Variants in TMEM269 observed in about 807,000 individuals in gnomAD.
The protein encoded by TMEM269 is transmembrane protein 269.
In TMEM269, 12 loss-of-function variants were observed where a neutral mutation model predicts 15.8. The observed-to-expected ratio is 0.76, with a 90% confidence interval of 0.49 to 1.23. The LOEUF (loss-of-function observed/expected upper bound fraction) is 1.23, where lower values mean the gene tolerates loss of function less well. Ranked by LOEUF, TMEM269 falls within the 50% of genes most tolerant of loss-of-function variation. The pLI is 0.00. For synonymous variants in TMEM269, 93 were observed against 99.3 expected, an observed-to-expected ratio of 0.94 and a Z score of 0.38; for missense variants, 211 against 245.4, an observed-to-expected ratio of 0.86 and a Z score of 0.94.
intron 2 of TMEM269, among the ~76,000 whole-genome samples, chr1:42,791,133 G>A (rs1459729568): frequency 1.3e-5 from 2 of 152,200 alleles, no homozygotes; most frequent in African/African-American, 4.8e-5. Flanking sequence ...AAATTGATGA[G>A]TCTACTATCA....
Position 42,793,632 on chromosome 1 carries a change from C to T in TMEM269, c.171C>T (p.Thr57=), listed in dbSNP as rs1222342102. Residue 57 remains threonine, a synonymous_variant, in exon 4 of 6, where the codon ACC becomes ACT. Transcript: ENST00000637012. ...AGCTGAATGACTTTGCCGTCTTCAC[C>T]ACCTTCGGCTTGGCCTCCGCTCTGC... ...GAELNDFAVF[T]TFGLASALLL... The T allele has an allele frequency of 6.5e-7, 1 of 1,550,328 alleles. No individual in the cohort carries two copies. Among genetic ancestry groups the T allele is most frequent in the Non-Finnish European group, 8.7e-7 (1 of 1,146,880 alleles).
chr1:42,787,877 C>G (rs1257491158), intron 1 of TMEM269: 1 of 152,280 alleles, frequency 6.6e-6, no homozygotes, highest in African/African-American at 2.4e-5. Flanking sequence ...TGGGGTCAGC[C>G]CAGAGACCCA....
Position 42,798,164 on chromosome 1 carries a change from C to T in TMEM269, c.551C>T (p.Ser184Leu). 2 of 1,550,462 alleles carry T rather than the reference C, an allele frequency of 1.3e-6. No individual in the cohort carries two copies. The highest frequency in any genetic ancestry group is 1.7e-6 in the Non-Finnish European group (2 of 1,147,104). Reference sequence around the variant, plus strand: ...TTTTACTGCCTGATGTGGTCGCTCTCGTACATCTTCTTTCCAGATGCTCTG... The same window carrying T: ...TTTTACTGCCTGATGTGGTCGCTCTTGTACATCTTCTTTCCAGATGCTCTG... ...SAFYCLMWSL[S>L]YIFFPDALWG... is the part of the protein sequence containing the mutation. Residue 184 changes from serine to leucine, a missense_variant, in exon 6 of 6, where the codon TCG (serine) becomes TTG (leucine). Ser to Leu is a moderately radical substitution (Grantham distance 145). Transcript: ENST00000637012.
intron 2 of TMEM269, among the ~76,000 whole-genome samples, chr1:42,790,405 CTTGA>C (rs987687752): frequency 2.5e-4 from 38 of 152,058 alleles, no homozygotes; most frequent in African/African-American, 8.9e-4. Flanking sequence ...TCCTAATCTA[CTTGA>C]TTGTCTATAA....
At chr1:42,793,526 C>T in intron 3 of TMEM269, 75 bp from the exon 4 acceptor site, 1 of 1,428,188 alleles carries the variant, frequency 7.0e-7, no homozygotes, top group Non-Finnish European at 9.3e-7. Flanking sequence ...ACTACCCCAG[C>T]TCCCCTACTA....
intron 1 of TMEM269, among the ~76,000 whole-genome samples, chr1:42,786,179 G>A (rs1293816181): frequency 1.3e-5 from 2 of 152,202 alleles, no homozygotes; most frequent in Admixed American, 6.5e-5. Flanking sequence ...TAGATTTGGT[G>A]CAGCGAGAGG....
At chr1:42,789,658 C>T (rs1418118392) in intron 1 of TMEM269, 138 bp from the exon 2 acceptor site, 5 of 804,134 alleles carry the variant, frequency 6.2e-6, no homozygotes, top group Middle Eastern at 2.4e-4. Flanking sequence ...TACCTCCTGT[C>T]TCCCTTAGTC....
At position 42,798,129 on chromosome 1, in the gene TMEM269, T is replaced by TC; in HGVS notation, c.517dup (p.Leu173ProfsTer58). 1 of 1,551,150 alleles carries TC rather than the reference T, an allele frequency of 6.4e-7. No homozygotes were observed. The highest frequency in any genetic ancestry group is 8.7e-7 in the Non-Finnish European group (1 of 1,147,138). On this transcript the variant is annotated frameshift_variant, in exon 6 of 6. Transcript: ENST00000637012. LOFTEE classifies it high-confidence loss of function. ...TCATGCTGTTTTTCTCCCCATTGTC[T>TC]CTGTCTGCTTTTTACTGCCTGATGT...
rs1220017963 is a variant in TMEM269 at position 42,799,316 on chromosome 1, G to T, written c.*1091G>T. On this transcript the variant is annotated 3_prime_UTR_variant, in exon 6 of 6. Transcript: ENST00000637012. ...GCGTAGATAGACATTCCACCTCCCAGATGGTGGAAAAAAGGATTGATGGCT... is the reference window on the plus strand; with the variant it reads ...GCGTAGATAGACATTCCACCTCCCATATGGTGGAAAAAAGGATTGATGGCT... The T allele has an allele frequency of 6.6e-6, 1 of 151,744 alleles. No homozygotes were observed. Among genetic ancestry groups the T allele is most frequent in the Non-Finnish European group, 1.5e-5 (1 of 67,982 alleles). The allele number at this position is 151,744 out of a possible 1,614,324, so 9.4% of individuals were successfully genotyped here.
intron 1 of TMEM269, among the ~76,000 whole-genome samples, chr1:42,785,571 C>A (rs576274072): frequency 3.6e-4 from 55 of 152,286 alleles, no homozygotes; most frequent in Middle Eastern, 6.8e-3. Flanking sequence ...AGCCGCCCTG[C>A]GCTTCCTGCC....
intron 5 of TMEM269, chr1:42,796,845 A>G (rs993162385): frequency 1.8e-4 from 27 of 152,222 alleles, no homozygotes; most frequent in African/African-American, 6.3e-4. Flanking sequence ...CTTCTATCAG[A>G]TCATATGTTC....
At chr1:42,795,210 G>A (rs984666620) in intron 5 of TMEM269, among the ~76,000 whole-genome samples, 3 of 152,180 alleles carry the variant, frequency 2.0e-5, no homozygotes, top group African/African-American at 4.8e-5. Context: ...GGTTCAGGAG[G>A]TTCAGGCAGA....
intron 2 of TMEM269, among the ~76,000 whole-genome samples, chr1:42,791,232 A>C (rs978260248): frequency 7.9e-5 from 12 of 151,542 alleles, no homozygotes; most frequent in Non-Finnish European, 1.6e-4. Context: ...CAGCAACACT[A>C]TTGGTCACCT....
chr1:42,791,318 A>T (rs1281790226), intron 2 of TMEM269, among the ~76,000 whole-genome samples: 1 of 152,208 alleles, frequency 6.6e-6, no homozygotes, highest in Non-Finnish European at 1.5e-5. Context: ...ACTTGGACAG[A>T]TCACATTCTG....
Position 42,797,962 on chromosome 1 carries a change from T to C in TMEM269, c.485-136T>C, listed in dbSNP as rs551319330. 1 of 963,832 alleles carries C rather than the reference T, an allele frequency of 1.0e-6. No homozygotes were observed. The highest frequency in any genetic ancestry group is 1.6e-5 in the African/African-American group (1 of 61,352). The allele number at this position is 963,832 out of a possible 1,614,324, so 59.7% of individuals were successfully genotyped here. On this transcript the variant is annotated intron_variant, in intron 5 of 5. Coordinates refer to ENST00000637012, the MANE Select transcript of TMEM269 (RefSeq NM_001354602.2). The surrounding 1 kb of genome is among the most constrained non-coding windows in gnomAD (Gnocchi z 4.9). ...AAACTGAACTTGAAGACAGGGCTCC[T>C]GTCTCTTTCTGTTTGTTTCTTAGGC...
rs1653875635 is a variant in TMEM269 at position 42,800,763 on chromosome 1, C to A, written c.*2538C>A. ...GTTTTATGTGGATGAATGTAAAACACCTAGAATAATGAATGGCACGTAAAA... is the reference window on the plus strand; with the variant it reads ...GTTTTATGTGGATGAATGTAAAACAACTAGAATAATGAATGGCACGTAAAA... On this transcript the variant is annotated 3_prime_UTR_variant, in exon 6 of 6. Transcript: ENST00000637012. 6.6e-6 allele frequency: 1 copy of A among 152,042 alleles called. No homozygotes were observed. The highest frequency in any genetic ancestry group is 2.1e-4 in the South Asian group (1 of 4,816). 9.4% of individuals were successfully genotyped at this position (152,042 alleles called of 1,614,324 possible).
Position 42,793,744 on chromosome 1 carries a change from G to T in TMEM269, c.283G>T (p.Gly95Ter), listed in dbSNP as rs1293161855. ...TTTCCACTTGTGCTTTTATTCACCT[G>T]GTGAGTGGAACCAAGGTTGCCTTAG... ...ASFHLCFYSP[G>*]VPSTYKGLPC... The change falls in exon 4 of 6, where the codon GGA becomes TGA. Residue 95 changes from glycine to a stop codon, truncating the protein, a stop_gained and splice_region_variant. Coordinates refer to ENST00000637012, the MANE Select transcript of TMEM269 (RefSeq NM_001354602.2). LOFTEE classifies it high-confidence loss of function. 1 of 1,549,898 alleles carries T rather than the reference G, an allele frequency of 6.5e-7. No homozygotes were observed. The highest frequency in any genetic ancestry group is 2.0e-5 in the Admixed American group (1 of 50,922).
Position 42,792,900 on chromosome 1 carries a change from TG to T in TMEM269, c.139+1del. On this transcript the variant is annotated frameshift_variant and splice_region_variant, in exon 3 of 6. Coordinates refer to ENST00000637012, the MANE Select transcript of TMEM269 (RefSeq NM_001354602.2). LOFTEE classifies it high-confidence loss of function. Reference protein sequence around the residue: ...MTSHINICSKLGAELNDFAVF... With the variant: ...MTSHINICSKXGAELNDFAVF... ...AGCCACATCAACATATGCTCCAAAT[TG>T]GGTGAGTTCAGGCCCCAGGCCCCTA... The T allele has an allele frequency of 6.5e-7, 1 of 1,550,312 alleles. No homozygotes were observed. The highest frequency in any genetic ancestry group is 8.7e-7 in the Non-Finnish European group (1 of 1,146,822).
At position 42,794,265 on chromosome 1, in the gene TMEM269, A is replaced by G. The variant is rs1653752187; in HGVS notation, c.284-148A>G. On this transcript the variant is annotated intron_variant, in intron 4 of 5. Transcript: ENST00000637012. ...TAAAACCCATGCATCATCTTTGTGA[A>G]TAAATGATTTTCAGCCTGCCACTGC... The G allele has an allele frequency of 7.8e-6, 5 of 643,260 alleles. No individual in the cohort carries two copies. In the South Asian group the frequency reaches 8.1e-5, roughly 10 times the overall value. 39.8% of individuals were successfully genotyped at this position (643,260 alleles called of 1,614,324 possible).
Sources: gnomAD v4.1 joint callset for allele counts (sites outside exome capture counted in the v4.1 genomes callset) on GRCh38, gnomAD v4.1.1 for gene constraint, Gnocchi (gnomAD v3.1) non-coding constraint, MANE v1.5 for transcripts, NCBI Gene and HGNC (gene_info 2026-07-23, HGNC 2026-07-21) for gene names.